Variants in STX7 observed in about 807,000 individuals in gnomAD.
STX7 encodes syntaxin 7, also known as syntaxin-7.
Under a neutral mutation model 39.6 loss-of-function variants are expected in STX7, and 34 were observed. That is an observed-to-expected ratio of 0.86 (90% CI 0.65 to 1.14). The LOEUF is 1.14. Among genes scored for constraint, STX7 ranks in the 50% most tolerant of loss-of-function variants. The pLI is 0.00. For missense variants in STX7, 284 were observed against 310.4 expected, an observed-to-expected ratio of 0.92 and a Z score of 0.64; for synonymous variants, 119 against 99.1, an observed-to-expected ratio of 1.20 and a Z score of -1.19.
chr6:132,456,894 G>A lies in STX7; in HGVS notation c.*3864C>T, dbSNP rs757220563. On this transcript the variant is annotated 3_prime_UTR_variant, in exon 10 of 10. Transcript: ENST00000367941. ...TTGAGAGTTGACCATGAGAAAAGGA[G>A]AGACCATCTTTCCTCAGAGGCCACT... 1 of 152,264 alleles carries A rather than the reference G, an allele frequency of 6.6e-6. No homozygotes were observed. The highest frequency in any genetic ancestry group is 1.5e-5 in the Non-Finnish European group (1 of 68,066). The allele number at this position is 152,264 out of a possible 1,614,324, so 9.4% of individuals were successfully genotyped here.
At chr6:132,492,745 G>A (rs111979819) in intron 2 of STX7, among the ~76,000 whole-genome samples, 1,709 of 152,042 alleles carry the variant, frequency 0.011, 23 homozygotes, top group African/African-American at 0.038. Flanking sequence ...CAAAAACAAT[G>A]CACAAAAAAA....
At chr6:132,510,772 A>G (rs548981773) in intron 1 of STX7, among the ~76,000 whole-genome samples, 1 of 152,304 alleles carries the variant, frequency 6.6e-6, no homozygotes, top group African/African-American at 2.4e-5. Context: ...AAAGAGAAAA[A>G]CAGGAAGGGA....
At chr6:132,505,262 G>C (rs1012820951) in intron 1 of STX7, among the ~76,000 whole-genome samples, 4 of 152,158 alleles carry the variant, frequency 2.6e-5, no homozygotes, top group African/African-American at 7.2e-5. Flanking sequence ...CTACCACATA[G>C]AACTAATGCC....
At chr6:132,509,462 C>A (rs147766581) in intron 1 of STX7, among the ~76,000 whole-genome samples, 4,736 of 9,452 alleles carry the variant, frequency 0.5, 1,036 homozygotes, top group Middle Eastern at 0.75. Context: ...AATAACATAA[C>A]ATAACATAAC....
chr6:132,503,790 C>A (rs1234185118), intron 1 of STX7, among the ~76,000 whole-genome samples: 2 of 151,208 alleles, frequency 1.3e-5, no homozygotes, highest in African/African-American at 2.4e-5. Flanking sequence ...TCATGTTAAA[C>A]ACATCAAACA....
At position 132,450,928 on chromosome 6, in the gene STX7, G is replaced by C. The variant is rs1562315505; in HGVS notation, c.*9830C>G. ...GACATAAACATATAGATGGTGAGAA[G>C]ACCTCAAATATAATAAACCCCCCAA... On this transcript the variant is annotated 3_prime_UTR_variant, in exon 10 of 10. Coordinates refer to ENST00000367941, the MANE Select transcript of STX7 (RefSeq NM_003569.3). 6.6e-6 allele frequency: 1 copy of C among 151,370 alleles called. No individual in the cohort carries two copies. The highest frequency in any genetic ancestry group is 1.5e-5 in the Non-Finnish European group (1 of 67,912). The allele number at this position is 151,370 out of a possible 1,614,324, so 9.4% of individuals were successfully genotyped here. A position where few individuals can be genotyped will look rare whatever the true frequency, so the allele number is the denominator to read the frequency against.
intron 7 of STX7, among the ~76,000 whole-genome samples, chr6:132,468,707 C>A (rs1371301930): frequency 7.0e-6 from 1 of 142,924 alleles, no homozygotes; most frequent in African/African-American, 2.7e-5. Flanking sequence ...TTAAAAATAC[C>A]AAGTGAGCGA....
At chr6:132,493,617 G>A (rs1355668713) in intron 2 of STX7, among the ~76,000 whole-genome samples, 1 of 152,194 alleles carries the variant, frequency 6.6e-6, no homozygotes, top group African/African-American at 2.4e-5. Flanking sequence ...ATGTGGAAAT[G>A]TGATCCATTA....
At chr6:132,510,974 G>A (rs1775832605) in intron 1 of STX7, among the ~76,000 whole-genome samples, 1 of 152,132 alleles carries the variant, frequency 6.6e-6, no homozygotes, top group Non-Finnish European at 1.5e-5. Context: ...TCTACCCTGG[G>A]CAAAGAAGTA....
chr6:132,469,284 T>C (rs1485482552), intron 7 of STX7, among the ~76,000 whole-genome samples: 3 of 152,186 alleles, frequency 2.0e-5, no homozygotes, highest in Non-Finnish European at 4.4e-5. Context: ...AAGGTCTTAC[T>C]CATGCAGGTA....
intron 2 of STX7, among the ~76,000 whole-genome samples, chr6:132,497,307 A>T (rs1477900899): frequency 9.2e-5 from 14 of 152,216 alleles, no homozygotes; most frequent in Non-Finnish European, 5.9e-5. Flanking sequence ...AAGAAGCCCA[A>T]CATAAAATAA....
At position 132,452,747 on chromosome 6, in the gene STX7, A is replaced by C. The variant is rs1447457275; in HGVS notation, c.*8011T>G. ...AACAAAATTTAACTGAAATGAAGTG[A>C]AGTGATCCTGTGATCATGATCGGGA... is the stretch of plus-strand genomic sequence containing the variant. On this transcript the variant is annotated 3_prime_UTR_variant, in exon 10 of 10. Coordinates refer to ENST00000367941, the MANE Select transcript of STX7 (RefSeq NM_003569.3). The C allele has an allele frequency of 2.0e-5, 3 of 152,182 alleles. No homozygotes were observed. Among genetic ancestry groups the C allele is most frequent in the Non-Finnish European group, 2.9e-5 (2 of 68,010 alleles). The allele number at this position is 152,182 out of a possible 1,614,324, so 9.4% of individuals were successfully genotyped here. A position where few individuals can be genotyped will look rare whatever the true frequency, so the allele number is the denominator to read the frequency against.
In STX7 at chr6:132,509,471, ACATAACATAACATAAC is replaced by A. The variant is rs1775789318; in HGVS notation, c.-59+3520_-59+3535del. Reference sequence around the variant, plus strand: ...TCTCAAAATAACATAACATAACATAACATAACATAACATAACATAACATAACATAACATAACATAAC... The same window carrying A: ...TCTCAAAATAACATAACATAACATAAATAACATAACATAACATAACATAAC... On this transcript the variant is annotated intron_variant, in intron 1 of 9. Coordinates refer to ENST00000367941, the MANE Select transcript of STX7 (RefSeq NM_003569.3). Among the ~76,000 whole-genome samples the A allele has an allele frequency of 1.1e-4, 3 of 26,272 alleles. 1 individual carries two copies. The highest frequency in any genetic ancestry group is 2.1e-4 in the African/African-American group (3 of 14,294). 17.2% of individuals were successfully genotyped at this position (26,272 alleles called of 152,430 possible). A position where few individuals can be genotyped will look rare whatever the true frequency, so the allele number is the denominator to read the frequency against.
At chr6:132,483,424 T>G (rs1415114948) in intron 2 of STX7, among the ~76,000 whole-genome samples, 1 of 152,188 alleles carries the variant, frequency 6.6e-6, no homozygotes, top group East Asian at 1.9e-4. Context: ...GTCACTGCAT[T>G]AAGTCTATCT....
At position 132,451,935 on chromosome 6, in the gene STX7, T is replaced by C. The variant is rs9483453; in HGVS notation, c.*8823A>G. On this transcript the variant is annotated 3_prime_UTR_variant, in exon 10 of 10. Coordinates refer to ENST00000367941, the MANE Select transcript of STX7 (RefSeq NM_003569.3). ...ACTTTCCAGTTCATTTTGAAGCTAG[T>C]ATTACCCTGATACCACCAACCAGTA... 55,366 of 151,994 alleles carry C rather than the reference T, an allele frequency of 0.36. 10,624 individuals are homozygous for C. Among genetic ancestry groups the C allele is most frequent in the East Asian group, 0.7 (3,628 of 5,162 alleles). 9.4% of individuals were successfully genotyped at this position (151,994 alleles called of 1,614,324 possible). A position where few individuals can be genotyped will look rare whatever the true frequency, so the allele number is the denominator to read the frequency against.
At position 132,472,324 on chromosome 6, in the gene STX7, G is replaced by A. The variant is rs745979545; in HGVS notation, c.207C>T (p.Tyr69=). 1.3e-5 allele frequency: 21 copies of A among 1,613,504 alleles called. No individual in the cohort carries two copies. Among genetic ancestry groups the A allele is most frequent in the Middle Eastern group, 1.7e-4 (1 of 6,058 alleles). ...TNQLAKETDK[Y]IKEFGSLPTT... is the part of the protein sequence containing the mutation. The stretch of plus-strand genomic sequence containing the variant: ...TGGGCAGAGATCCAAACTCTTTAAT[G>A]TACTTATCTGTTTCTTTGGCAAGCT... Residue 69 remains tyrosine, a synonymous_variant, in exon 4 of 10, where the codon TAC becomes TAT. Transcript: ENST00000367941.
At chr6:132,472,122 TA>T (rs1329670814) in intron 4 of STX7, among the ~76,000 whole-genome samples, 159 bp downstream of exon 4, 1 of 152,216 alleles carries the variant, frequency 6.6e-6, no homozygotes, top group Non-Finnish European at 1.5e-5. Flanking sequence ...CCTGAGCAAT[TA>T]AATATAGTTT....
chr6:132,509,428 GC>G (rs1261973461), intron 1 of STX7, among the ~76,000 whole-genome samples: 1 of 144,776 alleles, frequency 6.9e-6, no homozygotes, highest in Admixed American at 6.9e-5. Flanking sequence ...CTCCAGCCCG[GC>G]GACAGAGCGA....
In STX7 at chr6:132,508,505, T is replaced by A. The variant is rs192101290; in HGVS notation, c.-59+4502A>T. ...GATTGACTGGAATTATGAGTTTTGT[T>A]TTACTTTTTCTTTGTTTGGCGTTGT... is the stretch of plus-strand genomic sequence containing the variant. On this transcript the variant is annotated intron_variant, in intron 1 of 9. Coordinates refer to ENST00000367941, the MANE Select transcript of STX7 (RefSeq NM_003569.3). Among the ~76,000 whole-genome samples the A allele has an allele frequency of 5.9e-5, 9 of 152,308 alleles. No individual in the cohort carries two copies. In the East Asian group the frequency reaches 1.7e-3, roughly 29 times the overall value.
Sources: allele counts gnomAD v4.1 joint callset (sites outside exome capture counted in the v4.1 genomes callset), GRCh38; gene constraint gnomAD v4.1.1; transcripts MANE v1.5; gene names NCBI Gene and HGNC (gene_info 2026-07-23, HGNC 2026-07-21).